Variants in MGST2 observed in about 807,000 individuals in gnomAD.
MGST2 encodes the protein microsomal glutathione S-transferase 2.
A neutral mutation model predicts 16.6 loss-of-function variants in MGST2; 9 were observed. The observed-to-expected ratio is 0.54, with a 90% CI of 0.33 to 0.95. The LOEUF (loss-of-function observed/expected upper bound fraction) is 0.95. MGST2 is among the 40% of genes least tolerant of loss of function. MGST2 has a pLI of 0.03. For synonymous variants in MGST2, 79 were observed against 68.0 expected (o/e 1.16, Z -0.79); for missense variants, 159 against 175.1 (o/e 0.91, Z 0.52).
At chr4:139,686,793 T>A (rs1334645081) in intron 2 of MGST2, among the ~76,000 whole-genome samples, 2 of 152,364 alleles carry the variant, frequency 1.3e-5, no homozygotes, top group African/African-American at 4.8e-5. Context: ...AGATTAATGC[T>A]TGAAGTTTGG....
Position 139,689,838 on chromosome 4 carries a change from C to A in MGST2, c.159-5359C>A, listed in dbSNP as rs542668734. On this transcript the variant is annotated intron_variant, in intron 2 of 4. Coordinates refer to ENST00000265498, the MANE Select transcript of MGST2 (RefSeq NM_002413.5). ...AGTTGCATATTGTGTTCGTTGGACACGGTCAAATAGAGAAATATTCATAAA... is the reference window on the plus strand; with the variant it reads ...AGTTGCATATTGTGTTCGTTGGACAAGGTCAAATAGAGAAATATTCATAAA... Among the ~76,000 whole-genome samples the A allele has an allele frequency of 1.0e-3, 152 of 152,222 alleles. 2 individuals are homozygous for A. In the South Asian group the frequency reaches 0.031, roughly 31 times the overall value.
At chr4:139,690,155 T>C (rs1312481754) in intron 2 of MGST2, among the ~76,000 whole-genome samples, 2 of 152,062 alleles carry the variant, frequency 1.3e-5, no homozygotes, top group African/African-American at 4.8e-5. Flanking sequence ...CCATGCTCAG[T>C]TAATTTTTGT....
chr4:139,703,354 C>T lies in MGST2; in HGVS notation c.230-101C>T, dbSNP rs1233075471. 1.0e-5 allele frequency: 10 copies of T among 953,404 alleles called. No homozygotes were observed. In the Admixed American group the frequency reaches 1.8e-4, roughly 17 times the overall value. 59.1% of individuals were successfully genotyped at this position (953,404 alleles called of 1,614,324 possible). On this transcript the variant is annotated intron_variant, in intron 3 of 4. Transcript: ENST00000265498. ...ATATTCTGAATATAAGTATCTTGTC[C>T]AATATATGTTTTGTGAATATTTTCT...
chr4:139,738,532 G>A (rs900582551), intron 5 of MGST2, among the ~76,000 whole-genome samples: 5 of 152,122 alleles, frequency 3.3e-5, no homozygotes, highest in African/African-American at 1.2e-4. Context: ...ACAATACAGC[G>A]ACACTCTGTC....
At chr4:139,695,327 G>A in intron 3 of MGST2, 60 bp downstream of exon 3, 1 of 1,407,438 alleles carries the variant, frequency 7.1e-7, no homozygotes, top group Non-Finnish European at 1.0e-6. Flanking sequence ...AAACGATTAA[G>A]GAGTAGATAT....
chr4:139,694,081 T>C (rs796227519), intron 2 of MGST2, among the ~76,000 whole-genome samples: 16 of 152,256 alleles, frequency 1.1e-4, no homozygotes, highest in African/African-American at 3.8e-4. Context: ...GGGAGTTTTT[T>C]CCCATGTAGT....
At chr4:139,669,255 G>A (rs1730536042) in intron 1 of MGST2, among the ~76,000 whole-genome samples, 1 of 152,160 alleles carries the variant, frequency 6.6e-6, no homozygotes, top group South Asian at 2.1e-4. Context: ...AAAGGAGAGA[G>A]AGAGTGTGTA....
chr4:139,691,041 C>T (rs1441059079), intron 2 of MGST2, among the ~76,000 whole-genome samples: 1 of 152,176 alleles, frequency 6.6e-6, no homozygotes, highest in Non-Finnish European at 1.5e-5. Context: ...TCCTCAGTCC[C>T]AGGCAAACCA....
downstream of MGST2, among the ~76,000 whole-genome samples, chr4:139,706,198 A>C (rs1579337553): frequency 6.6e-6 from 1 of 152,168 alleles, no homozygotes; most frequent in Non-Finnish European, 1.5e-5. Flanking sequence ...CTGAGAATAT[A>C]CTGGCCTGGG....
chr4:139,699,010 G>A (rs1315253710), intron 3 of MGST2, among the ~76,000 whole-genome samples: 1 of 152,070 alleles, frequency 6.6e-6, no homozygotes, highest in Non-Finnish European at 1.5e-5. Flanking sequence ...ATCTGTATGG[G>A]TATCATGGCA....
At chr4:139,709,082 T>A (rs1185811724), downstream of MGST2, among the ~76,000 whole-genome samples, 14 of 127,622 alleles carry the variant, frequency 1.1e-4, 1 homozygote, top group Non-Finnish European at 1.9e-4. Flanking sequence ...TTTTTTTTTT[T>A]TTTTTTTTTT....
chr4:139,742,149 C>CTTT (rs67056013), downstream of MGST2, among the ~76,000 whole-genome samples: 1 of 113,690 alleles, frequency 8.8e-6, no homozygotes, highest in East Asian at 2.5e-4. Context: ...CTTTTCTTTT[C>CTTT]TTTTTTTTTT....
chr4:139,682,901 G>A (rs1429864174), intron 2 of MGST2, among the ~76,000 whole-genome samples: 4 of 151,952 alleles, frequency 2.6e-5, no homozygotes, highest in Admixed American at 6.6e-5. Context: ...TCAACAAAGC[G>A]GGAGGGGGTC....
chr4:139,704,236 A>T lies in MGST2; in HGVS notation c.*88A>T, dbSNP rs964200755. 4.4e-5 allele frequency: 66 copies of T among 1,513,692 alleles called. No homozygotes were observed. The African/African-American group carries it at 9.0e-4, about 21-fold the overall frequency. The allele number at this position is 1,513,692 out of a possible 1,614,324, so 93.8% of individuals were successfully genotyped here. ...TTTGTTAAATAAAAATAAAGTCTTT[A>T]TTCTGTTTTTCTTGAAATGGCTTTG... On this transcript the variant is annotated 3_prime_UTR_variant, in exon 5 of 5. Coordinates refer to ENST00000265498, the MANE Select transcript of MGST2 (RefSeq NM_002413.5).
downstream of MGST2, among the ~76,000 whole-genome samples, chr4:139,742,151 T>TTTTTTC (rs1181091650): frequency 3.5e-3 from 3 of 866 alleles, no homozygotes; most frequent in East Asian, 0.15. Flanking sequence ...TTTCTTTTCT[T>TTTTTTC]TTTTTTTTTT....
At chr4:139,703,597 G>A in intron 4 of MGST2, 61 bp downstream of exon 4, 1 of 1,477,056 alleles carries the variant, frequency 6.8e-7, no homozygotes, top group Admixed American at 1.7e-5. Context: ...GTCTGGGTCA[G>A]TTTCCTTCTC....
At chr4:139,723,903 G>A (rs1361547750) in intron 5 of MGST2, among the ~76,000 whole-genome samples, 1 of 152,156 alleles carries the variant, frequency 6.6e-6, no homozygotes, top group Non-Finnish European at 1.5e-5. Context: ...CAGATTTACT[G>A]AATCAGAAAC....
chr4:139,732,040 T>G (rs1205919021), intron 5 of MGST2, among the ~76,000 whole-genome samples: 2 of 152,216 alleles, frequency 1.3e-5, no homozygotes, highest in Non-Finnish European at 2.9e-5. Flanking sequence ...TGACACAGAT[T>G]AAATGGGCAC....
chr4:139,671,665 G>A (rs1730700872), intron 1 of MGST2, among the ~76,000 whole-genome samples: 1 of 151,552 alleles, frequency 6.6e-6, no homozygotes, highest in Non-Finnish European at 1.5e-5. Context: ...TTTTTGAGAG[G>A]GAGTCTCACT....
Sources: allele counts gnomAD v4.1 joint callset (sites outside exome capture counted in the v4.1 genomes callset), GRCh38; gene constraint gnomAD v4.1.1; transcripts MANE v1.5; gene names NCBI Gene and HGNC (gene_info 2026-07-23, HGNC 2026-07-21).